Variants in TSKS observed in about 807,000 individuals in gnomAD.
TSKS encodes the protein testis specific serine kinase substrate.
Under a neutral mutation model 68.0 loss-of-function variants are expected in TSKS, and 27 were observed. That is an observed-to-expected ratio of 0.40 (90% CI 0.29 to 0.55). The LOEUF (loss-of-function observed/expected upper bound fraction) is 0.55. TSKS is among the 20% of genes least tolerant of loss of function. The probability of loss-of-function intolerance (pLI) is 0.53; values close to 1 mark genes in which losing one functional copy is unlikely to be tolerated. For synonymous variants in TSKS, 331 were observed against 340.4 expected (o/e 0.97, Z 0.30); for missense variants, 806 against 776.0 (o/e 1.04, Z -0.46).
chr19:49,740,007 C>A (rs1371343392), intron 10 of TSKS, 52 bp downstream of exon 10: 1 of 1,612,252 alleles, frequency 6.2e-7, no homozygotes. Flanking sequence ...GGAGATCAGG[C>A]CCTTTCCCCA....
intron 2 of TSKS, among the ~76,000 whole-genome samples, chr19:49,752,023 G>A (rs1039142179): frequency 2.0e-5 from 3 of 151,758 alleles, no homozygotes; most frequent in Middle Eastern, 3.4e-3. Context: ...GCAGTGAGCC[G>A]AGATTGCGCC....
chr19:49,755,661 G>A (rs527815772), intron 2 of TSKS, among the ~76,000 whole-genome samples: 28 of 152,130 alleles, frequency 1.8e-4, no homozygotes, highest in African/African-American at 5.3e-4. Context: ...TAACACCTGC[G>A]TCTCTAAAAA....
intron 9 of TSKS, among the ~76,000 whole-genome samples, chr19:49,740,509 T>C (rs2084243336): frequency 6.6e-6 from 1 of 152,200 alleles, no homozygotes; most frequent in Non-Finnish European, 1.5e-5. Context: ...TGCACCCCAG[T>C]ATTCTACCAC....
In TSKS at chr19:49,762,230, A is replaced by G; in HGVS notation, c.173T>C (p.Val58Ala). 6.2e-7 allele frequency: 1 copy of G among 1,613,232 alleles called. No homozygotes were observed. The highest frequency in any genetic ancestry group is 1.1e-5 in the South Asian group (1 of 91,006). Residue 58 changes from valine to alanine, a missense_variant and splice_region_variant, in exon 2 of 11, where the codon GTG becomes GCG. By Grantham distance (64) the Val-to-Ala change is moderately conservative (BLOSUM62 0). Transcript: ENST00000246801. Reference sequence around the variant, plus strand: ...GGGCTGATGGGACATCTGGGGCTCCACCCTGCAGAGAAGAAACAGGCAGAA... The same window carrying G: ...GGGCTGATGGGACATCTGGGGCTCCGCCCTGCAGAGAAGAAACAGGCAGAA... ...KKKKAVSFHG[V>A]EPQMSHQPMH...
At chr19:49,742,470 A>G (rs890317370) in intron 8 of TSKS, among the ~76,000 whole-genome samples, 2 of 140,838 alleles carry the variant, frequency 1.4e-5, no homozygotes, top group African/African-American at 5.3e-5. Context: ...TGCTGGGATT[A>G]CAGGCATGAG....
At chr19:49,743,688 G>A (rs1380957338) in intron 8 of TSKS, among the ~76,000 whole-genome samples, 1 of 147,552 alleles carries the variant, frequency 6.8e-6, no homozygotes, top group Admixed American at 6.8e-5. Context: ...TTTTAGTAGA[G>A]ACGGTGTTTC....
intron 6 of TSKS, among the ~76,000 whole-genome samples, chr19:49,746,050 G>A (rs567233278): frequency 2.0e-5 from 3 of 152,274 alleles, no homozygotes; most frequent in South Asian, 2.1e-4. Flanking sequence ...AGGCGTGGTG[G>A]CGGGCGCCTG....
In TSKS at chr19:49,762,117, T is replaced by A. The variant is rs1425910505; in HGVS notation, c.286A>T (p.Thr96Ser). Residue 96 changes from threonine (T) to serine (S), a missense_variant, in exon 2 of 11, where the codon ACG becomes TCG. Thr to Ser is a moderately conservative substitution (Grantham distance 58, BLOSUM62 1). Transcript: ENST00000246801. ...TCTTCCACTGTGGAGTCTGTCCCCG[T>A]GGAGTCAGTGGGCTCCATGGCGGCC... ...NLAAMEPTDS[T>S]GTDSTVEDLS... is the part of the protein sequence containing the mutation. 11 of 1,614,124 alleles carry A rather than the reference T, an allele frequency of 6.8e-6. No homozygotes were observed. The highest frequency in any genetic ancestry group is 6.6e-5 in the South Asian group (6 of 91,082).
chr19:49,740,166 G>A lies in TSKS; in HGVS notation c.1515C>T (p.Ala505=). ...HKKILELERQ[A]LAKHVRAEAL... ...CCTCTGCCCTGACGTGTTTGGCTAA[G>A]GCCTGGCGCTCCAGCTCCTGGGGAG... Residue 505 remains alanine, a synonymous_variant, in exon 10 of 11, where the codon GCC becomes GCT. Transcript: ENST00000246801. 1 of 1,613,302 alleles carries A rather than the reference G, an allele frequency of 6.2e-7. No homozygotes were observed. Among genetic ancestry groups the A allele is most frequent in the African/African-American group, 1.3e-5 (1 of 75,030 alleles).
At chr19:49,762,960 C>A in intron 1 of TSKS, 118 bp downstream of exon 1, 1 of 1,345,260 alleles carries the variant, frequency 7.4e-7, no homozygotes, top group Admixed American at 2.4e-5. Flanking sequence ...CTCTTTCCTG[C>A]CCCCGACCTG....
intron 8 of TSKS, among the ~76,000 whole-genome samples, chr19:49,743,856 G>A (rs761055987): frequency 2.6e-5 from 4 of 151,098 alleles, no homozygotes; most frequent in Non-Finnish European, 4.4e-5. Context: ...ACAGGCACGC[G>A]CCACCACGCC....
chr19:49,763,010 G>T lies in TSKS; in HGVS notation c.170+68C>A. On this transcript the variant is annotated intron_variant, in intron 1 of 10. Coordinates refer to ENST00000246801, the MANE Select transcript of TSKS (RefSeq NM_021733.2). The surrounding 1 kb of genome is among the most constrained non-coding windows in gnomAD (Gnocchi z 4.5). ...TCCCCTTCCTCTAGCACCCACAGTC[G>T]GACTCCTGCTCTGTTGGAGGTAGTG... is the stretch of plus-strand genomic sequence containing the variant. The T allele has an allele frequency of 6.6e-7, 1 of 1,513,922 alleles. No homozygotes were observed. The highest frequency in any genetic ancestry group is 8.9e-7 in the Non-Finnish European group (1 of 1,128,790). 93.8% of individuals were successfully genotyped at this position (1,513,922 alleles called of 1,614,324 possible).
chr19:49,746,308 C>T (rs1435845838), intron 6 of TSKS, among the ~76,000 whole-genome samples, 162 bp downstream of exon 6: 2 of 151,170 alleles, frequency 1.3e-5, no homozygotes, highest in Non-Finnish European at 2.9e-5. Flanking sequence ...CTCCCATGTT[C>T]CCGCCCACCT....
At chr19:49,747,020 TCCACCCGGCCCTCCAAG>T in intron 5 of TSKS, 1 of 1,233,608 alleles carries the variant, frequency 8.1e-7, no homozygotes, top group Non-Finnish European at 1.1e-6. Context: ...CCTCCAGGTA[TCCACCCGGCCCTCCAAG>T]CCCTCCAGGC....
chr19:49,755,194 A>C (rs1249318806), intron 2 of TSKS, among the ~76,000 whole-genome samples: 2 of 152,244 alleles, frequency 1.3e-5, no homozygotes, highest in Non-Finnish European at 2.9e-5. Flanking sequence ...ACTTGAACAT[A>C]GCTCAACTTT....
intron 2 of TSKS, among the ~76,000 whole-genome samples, chr19:49,752,633 G>GA (rs370276281): frequency 6.6e-6 from 1 of 151,838 alleles, no homozygotes; most frequent in African/African-American, 2.4e-5. Flanking sequence ...CATTTGTAAA[G>GA]AAAAAAAAAT....
At chr19:49,744,162 CCATCTCCTTCCG>C in intron 8 of TSKS, 57 bp downstream of exon 8, 3 of 1,519,764 alleles carry the variant, frequency 2.0e-6, no homozygotes, top group Non-Finnish European at 2.7e-6. Context: ...CACTAATGTC[CCATCTCCTTCCG>C]CATCTCCTTT....
intron 9 of TSKS, 124 bp from the exon 10 acceptor site, chr19:49,740,307 C>T: frequency 8.0e-7 from 1 of 1,244,316 alleles, no homozygotes; most frequent in Middle Eastern, 2.8e-4. Context: ...CAGAGTTTCC[C>T]ATCATGCCTT....
chr19:49,744,291 C>A lies in TSKS; in HGVS notation c.1301G>T (p.Gly434Val). The change falls in exon 8 of 11, where the codon GGG (glycine) becomes GTG (valine). Residue 434 changes from glycine to valine, a missense_variant. By Grantham distance (109) the Gly-to-Val change is moderately radical (BLOSUM62 -3). Coordinates refer to ENST00000246801, the MANE Select transcript of TSKS (RefSeq NM_021733.2). ...ATCCAGGTTCATGGAGAGGTCAGGCCCTCTTCGAGAGTTCTGAAATTGCCG... is the reference window on the plus strand; with the variant it reads ...ATCCAGGTTCATGGAGAGGTCAGGCACTCTTCGAGAGTTCTGAAATTGCCG... ...FGRQFQNSRR[G>V]PDLSMNLDRS... 2 of 1,614,096 alleles carry A rather than the reference C, an allele frequency of 1.2e-6. No individual in the cohort carries two copies. Among genetic ancestry groups the A allele is most frequent in the Admixed American group, 1.7e-5 (1 of 59,984 alleles).
Sources: gnomAD v4.1 joint callset for allele counts (sites outside exome capture counted in the v4.1 genomes callset) on GRCh38, gnomAD v4.1.1 for gene constraint, Gnocchi (gnomAD v3.1) non-coding constraint, MANE v1.5 for transcripts, NCBI Gene and HGNC (gene_info 2026-07-23, HGNC 2026-07-21) for gene names.